The following ANKRD13D variants were observed in gnomAD, a reference collection of about 807,000 sequenced individuals.
ANKRD13D encodes the protein ankyrin repeat domain-containing protein 13D.
ANKRD13D carries 24 observed loss-of-function variants against 68.8 expected under a neutral mutation model. That is an observed-to-expected ratio of 0.35 (90% confidence interval 0.25 to 0.49). The LOEUF is 0.49. ANKRD13D is among the 20% of genes least tolerant of loss of function. ANKRD13D has a pLI of 0.99. For missense variants in ANKRD13D, 735 were observed against 832.1 expected, an observed-to-expected ratio of 0.88 and a Z score of 1.44; for synonymous variants, 331 against 336.1, an observed-to-expected ratio of 0.98 and a Z score of 0.16.
intron 6 of ANKRD13D, among the ~76,000 whole-genome samples, chr11:67,295,467 G>C (rs751837119): frequency 1.3e-5 from 2 of 151,668 alleles, no homozygotes; most frequent in Non-Finnish European, 2.9e-5. Flanking sequence ...GTTCACGCCT[G>C]TAATCCCAGA....
rs775121275 is a variant in ANKRD13D at position 67,300,980 on chromosome 11, G to T, written c.1074-10G>T. 1.2e-6 allele frequency: 2 copies of T among 1,613,342 alleles called. No individual in the cohort carries two copies. Among genetic ancestry groups the T allele is most frequent in the Admixed American group, 1.7e-5 (1 of 59,972 alleles). ...CGTGCCTCACCCATGTCCTGTGGTC[G>T]GCTGGGCAGGTTCAAGGCAACACTG... On this transcript the variant is annotated splice_polypyrimidine_tract_variant and intron_variant, in intron 10 of 14. Transcript: ENST00000511455. This position sits in a 1 kb window ranked among gnomAD's most constrained non-coding sequence, Gnocchi z 4.3.
rs1339474556 is a variant in ANKRD13D, at chr11:67,294,729, A to G, written c.731+2549A>G. ...CTAATTTTTGCATTTTTAGAGAGACAGGATTTCACCATGTCGGACCAGGCT... is the reference window on the plus strand; with the variant it reads ...CTAATTTTTGCATTTTTAGAGAGACGGGATTTCACCATGTCGGACCAGGCT... On this transcript the variant is annotated intron_variant, in intron 6 of 14. Coordinates refer to ENST00000511455, the MANE Select transcript of ANKRD13D (RefSeq NM_207354.3). Among the ~76,000 whole-genome samples, 5 of 152,124 alleles carry G rather than the reference A, an allele frequency of 3.3e-5. No homozygotes were observed. The Middle Eastern group carries it at 0.01, about 310-fold the overall frequency.
At chr11:67,295,289 C>T (rs12285097) in intron 6 of ANKRD13D, among the ~76,000 whole-genome samples, 16,518 of 151,904 alleles carry the variant, frequency 0.11, 2,356 homozygotes, top group African/African-American at 0.31. Context: ...TGGTGGCGGG[C>T]GCCTGTAATC....
At position 67,301,743 on chromosome 11, in the gene ANKRD13D, G is replaced by T; in HGVS notation, c.1524G>T (p.Trp508Cys). ...AGTEAEQVTV[W>C]EALTNTRPGA... ...TCTGGTGGCTGCAGGTGACCGTCTGGGAAGCCCTGACCAACACCCGGCCCG... is the reference window on the plus strand; with the variant it reads ...TCTGGTGGCTGCAGGTGACCGTCTGTGAAGCCCTGACCAACACCCGGCCCG... The change falls in exon 14 of 15, where the codon TGG becomes TGT. Residue 508 changes from tryptophan (W) to cysteine (C), a missense_variant. Trp to Cys is a radical substitution (Grantham distance 215, BLOSUM62 -2). Coordinates refer to ENST00000511455, the MANE Select transcript of ANKRD13D (RefSeq NM_207354.3). This position sits in a 1 kb window ranked among gnomAD's most constrained non-coding sequence, Gnocchi z 4.5. 6.2e-7 allele frequency: 1 copy of T among 1,611,526 alleles called. No homozygotes were observed.
chr11:67,291,922 C>G, intron 5 of ANKRD13D, 69 bp from the exon 6 acceptor site: 7 of 1,523,762 alleles, frequency 4.6e-6, no homozygotes, highest in Non-Finnish European at 6.2e-6. Context: ...GGTACATGAT[C>G]GCCCTCTCTG....
At position 67,292,166 on chromosome 11, in the gene ANKRD13D, T is replaced by C. The variant is rs1282782844; in HGVS notation, c.717T>C (p.Asn239=). 4 of 1,593,356 alleles carry C rather than the reference T, an allele frequency of 2.5e-6. No individual in the cohort carries two copies. In the South Asian group the frequency reaches 3.3e-5, roughly 13 times the overall value. Residue 239 remains asparagine (N), a synonymous_variant, in exon 6 of 15, where the codon AAT becomes AAC. Transcript: ENST00000511455. ...PIVSTHLDTR[N]VAFERNKCGI... ...TCTCCACCCACCTGGACACTCGTAA[T>C]GTGGCCTTTGAGAGGTCGGTCGGGT...
chr11:67,293,639 C>T (rs547407735), intron 6 of ANKRD13D, among the ~76,000 whole-genome samples: 1 of 152,246 alleles, frequency 6.6e-6, no homozygotes, highest in East Asian at 1.9e-4. Context: ...TGCATGCTGC[C>T]ATGCCCAGCT....
At chr11:67,294,931 C>G (rs1338428488) in intron 6 of ANKRD13D, among the ~76,000 whole-genome samples, 7 of 152,136 alleles carry the variant, frequency 4.6e-5, no homozygotes, top group African/African-American at 1.7e-4. Flanking sequence ...ACCATGTATC[C>G]TGCAACATTG....
intron 6 of ANKRD13D, among the ~76,000 whole-genome samples, chr11:67,297,718 G>T (rs939064782): frequency 1.8e-4 from 27 of 149,884 alleles, no homozygotes; most frequent in Admixed American, 1.7e-3. Context: ...GTGGAGATGG[G>T]GTTTCACTGT....
At position 67,299,148 on chromosome 11, in the gene ANKRD13D, G is replaced by T. The variant is rs186055488; in HGVS notation, c.798+24G>T. On this transcript the variant is annotated intron_variant, in intron 7 of 14. Transcript: ENST00000511455. This position sits in a 1 kb window ranked among gnomAD's most constrained non-coding sequence, Gnocchi z 6.2. Reference sequence around the variant, plus strand: ...AGGCAGGAGAGGCTAGGGGTGGGGGGCTGGGGGTAGGAGATGAGGTCCAGG... The same window carrying T: ...AGGCAGGAGAGGCTAGGGGTGGGGGTCTGGGGGTAGGAGATGAGGTCCAGG... 3.9e-6 allele frequency: 6 copies of T among 1,554,182 alleles called. No individual in the cohort carries two copies. The highest frequency in any genetic ancestry group is 1.4e-5 in the African/African-American group (1 of 73,604).
chr11:67,301,924 G>A lies in ANKRD13D; in HGVS notation c.1604+101G>A. On this transcript the variant is annotated intron_variant, in intron 14 of 14. Coordinates refer to ENST00000511455, the MANE Select transcript of ANKRD13D (RefSeq NM_207354.3). The surrounding 1 kb of genome is among the most constrained non-coding windows in gnomAD (Gnocchi z 4.5). ...TGCTAGGACCCCAGGCCCTCTGCAA[G>A]GCCACCCTCTGTCAGCAGCGCTATC... 7.2e-7 allele frequency: 1 copy of A among 1,387,682 alleles called. No individual in the cohort carries two copies. Among genetic ancestry groups the A allele is most frequent in the Admixed American group, 2.5e-5 (1 of 39,438 alleles). The allele number at this position is 1,387,682 out of a possible 1,614,324, so 86.0% of individuals were successfully genotyped here.
Position 67,301,495 on chromosome 11 carries a change from T to C in ANKRD13D, c.1356T>C (p.Pro452=). The change falls in exon 13 of 15, where the codon CCT becomes CCC. Residue 452 remains proline (P), a synonymous_variant. Transcript: ENST00000511455. The surrounding 1 kb of genome is among the most constrained non-coding windows in gnomAD (Gnocchi z 4.5). ...CCTCTGCCACCTGCCTAGGGAACCC[T>C]TTCCCGTGCGAGGTGGACCCCACCG... is the stretch of plus-strand genomic sequence containing the variant. ...PSSAVAASGN[P]FPCEVDPTVF... is the part of the protein sequence containing the mutation. 6.2e-7 allele frequency: 1 copy of C among 1,612,632 alleles called. No individual in the cohort carries two copies. The highest frequency in any genetic ancestry group is 1.1e-5 in the South Asian group (1 of 91,060).
At position 67,298,841 on chromosome 11, in the gene ANKRD13D, C is replaced by T. The variant is rs1463309556; in HGVS notation, c.732-217C>T. 1.4e-5 allele frequency: 8 copies of T among 583,442 alleles called. 1 individual carries two copies. Among genetic ancestry groups the T allele is most frequent in the South Asian group, 1.2e-4 (6 of 48,448 alleles). 36.1% of individuals were successfully genotyped at this position (583,442 alleles called of 1,614,324 possible). A position where few individuals can be genotyped will look rare whatever the true frequency, so the allele number is the denominator to read the frequency against. ...CGACACTATCATACCTCACAAGATT[C>T]ATGCTAATTCCTCAGTGTCTTCTAG... On this transcript the variant is annotated intron_variant, in intron 6 of 14. Transcript: ENST00000511455.
intron 6 of ANKRD13D, among the ~76,000 whole-genome samples, chr11:67,296,355 G>A (rs1329586435): frequency 4.6e-5 from 7 of 151,890 alleles, no homozygotes; most frequent in African/African-American, 1.7e-4. Flanking sequence ...GTGTGTGTGT[G>A]TGTGTGTGTG....
chr11:67,296,808 G>A lies in ANKRD13D; in HGVS notation c.732-2250G>A, dbSNP rs542736442. ...CCAGCTAATTTTCTTTTTTTGTAGA[G>A]ATGTGGTCTCACTATGTCATCCAGG... On this transcript the variant is annotated intron_variant, in intron 6 of 14. Transcript: ENST00000511455. 5.3e-5 allele frequency among the ~76,000 whole-genome samples: 8 copies of A among 152,018 alleles called. No individual in the cohort carries two copies. In the South Asian group the frequency reaches 1.7e-3, roughly 32 times the overall value.
chr11:67,297,080 C>T (rs1182315554), intron 6 of ANKRD13D, among the ~76,000 whole-genome samples: 2 of 151,940 alleles, frequency 1.3e-5, no homozygotes, highest in African/African-American at 4.8e-5. Context: ...TTTATTATTT[C>T]TTTCTGTTCT....
intron 6 of ANKRD13D, among the ~76,000 whole-genome samples, chr11:67,296,607 T>TTTTTGTTTTGTTTTG (rs142136280): frequency 4.0e-5 from 6 of 151,524 alleles, no homozygotes; most frequent in African/African-American, 1.5e-4. Context: ...TAATTTGAAG[T>TTTTTGTTTTGTTTTG]TTTTGTTTTG....
chr11:67,295,905 T>C (rs183985561), intron 6 of ANKRD13D, among the ~76,000 whole-genome samples: 10 of 152,346 alleles, frequency 6.6e-5, no homozygotes, highest in Non-Finnish European at 1.5e-4. Context: ...GTAATTCCTT[T>C]CCATTCCTCA....
chr11:67,291,261 G>A, intron 3 of ANKRD13D: 1 of 562,246 alleles, frequency 1.8e-6, no homozygotes. Flanking sequence ...GGAGGCTGAG[G>A]TGGAAGAATC....
Sources: gnomAD v4.1 joint callset for allele counts (sites outside exome capture counted in the v4.1 genomes callset) on GRCh38, gnomAD v4.1.1 for gene constraint, Gnocchi (gnomAD v3.1) non-coding constraint, MANE v1.5 for transcripts, NCBI Gene and HGNC (gene_info 2026-07-23, HGNC 2026-07-21) for gene names.